Variants in PPARG observed in about 807,000 individuals in gnomAD.
PPARG encodes the protein peroxisome proliferator activated receptor gamma.
PPARG carries 17 observed loss-of-function variants against 39.2 expected under a neutral mutation model. That is an observed-to-expected ratio of 0.43 (90% CI 0.30 to 0.65). PPARG has a LOEUF of 0.65. Among genes scored for constraint, PPARG ranks in the 30% least tolerant of loss-of-function variants. The pLI is 0.13. For missense variants in PPARG, 406 were observed against 585.9 expected (o/e 0.69, Z 3.17); for synonymous variants, 223 against 215.7 (o/e 1.03, Z -0.30).
At chr3:12,432,509 C>A (rs906662957) in intron 7 of PPARG, among the ~76,000 whole-genome samples, 1 of 152,166 alleles carries the variant, frequency 6.6e-6, no homozygotes, top group Non-Finnish European at 1.5e-5. Context: ...AACATGTTCT[C>A]CATAATCTAT....
intron 1 of PPARG, among the ~76,000 whole-genome samples, chr3:12,296,127 C>T (rs1038528128): frequency 2.0e-5 from 3 of 151,786 alleles, no homozygotes; most frequent in Non-Finnish European, 4.4e-5. Context: ...TGGCACACAC[C>T]TGTAATCCCA....
intron 2 of PPARG, among the ~76,000 whole-genome samples, chr3:12,360,462 C>T (rs2048808031): frequency 1.3e-5 from 2 of 151,486 alleles, no homozygotes; most frequent in African/African-American, 2.4e-5. Context: ...TCCTAGGACC[C>T]ATATGGAACA....
intron 2 of PPARG, among the ~76,000 whole-genome samples, chr3:12,323,427 T>G (rs1574988758): frequency 6.6e-6 from 1 of 151,172 alleles, no homozygotes; most frequent in South Asian, 2.1e-4. Flanking sequence ...AAGAGGAAGT[T>G]GAGCGTTTGG....
In PPARG at chr3:12,381,368, G is replaced by A; in HGVS notation, c.267G>A (p.Lys89=). The A allele has an allele frequency of 6.2e-7, 1 of 1,613,382 alleles. No individual in the cohort carries two copies. Among genetic ancestry groups the A allele is most frequent in the Non-Finnish European group, 8.5e-7 (1 of 1,179,702 alleles). Residue 89 remains lysine (K), a synonymous_variant, in exon 4 of 8, where the codon AAG becomes AAA. Transcript: ENST00000651735. ...EPASPPYYSE[K]TQLYNKPHEE... ...CATCTCCACCTTATTATTCTGAGAA[G>A]ACTCAGCTCTACAATAAGCCTCATG...
chr3:12,413,930 G>A (rs1041429708), intron 6 of PPARG, among the ~76,000 whole-genome samples: 1 of 152,100 alleles, frequency 6.6e-6, no homozygotes, highest in South Asian at 2.1e-4. Context: ...CAATTGCCAA[G>A]GGGTTAAAGT....
intron 6 of PPARG, chr3:12,406,505 C>T (rs1054653181): frequency 1.9e-5 from 3 of 161,964 alleles, no homozygotes; most frequent in Non-Finnish European, 4.0e-5. Flanking sequence ...ACTATTTCAC[C>T]TTTCAGGAGA....
chr3:12,392,525 A>T (rs577942809), intron 4 of PPARG, 89 bp from the exon 5 acceptor site: 174 of 1,484,264 alleles, frequency 1.2e-4, no homozygotes, highest in African/African-American at 1.1e-3. Flanking sequence ...GCCTTTTCTG[A>T]TTCCCAGGCC....
chr3:12,316,314 T>C (rs542054298), intron 2 of PPARG, among the ~76,000 whole-genome samples: 2 of 152,314 alleles, frequency 1.3e-5, no homozygotes, highest in Admixed American at 1.3e-4. Context: ...TATGTTCAAC[T>C]AATTTAGCAA....
chr3:12,403,383 G>T (rs1391475214), intron 5 of PPARG, among the ~76,000 whole-genome samples: 1 of 151,378 alleles, frequency 6.6e-6, no homozygotes, highest in Non-Finnish European at 1.5e-5. Context: ...ACAGAGTCTT[G>T]CTGTCACCCA....
intron 1 of PPARG, among the ~76,000 whole-genome samples, chr3:12,293,347 A>G (rs2046697267): frequency 6.6e-6 from 1 of 152,170 alleles, no homozygotes; most frequent in South Asian, 2.1e-4. Flanking sequence ...CTATGTCACT[A>G]TTAAAAAAAA....
In PPARG at chr3:12,379,845, C is replaced by T; in HGVS notation, c.134C>T (p.Thr45Ile). The stretch of plus-strand genomic sequence containing the variant: ...ACTGTTGACTTCTCCAGCATTTCTA[C>T]TCCACATTACGAAGACATTCCATTC... ...FTTVDFSSISTPHYEDIPFTR... is the reference protein window; with the variant it reads ...FTTVDFSSISIPHYEDIPFTR... The change falls in exon 3 of 8, where the codon ACT becomes ATT. Residue 45 changes from threonine to isoleucine, a missense_variant. By Grantham distance (89) the Thr-to-Ile change is moderately conservative (BLOSUM62 -1). Around this residue, in one of 2 missense-constraint regions of PPARG, gnomAD observed 131 missense variants for 127.9 expected, o/e 1.02. Transcript: ENST00000651735. 6.2e-7 allele frequency: 1 copy of T among 1,613,964 alleles called. No individual in the cohort carries two copies. The highest frequency in any genetic ancestry group is 1.3e-5 in the African/African-American group (1 of 75,046).
Position 12,377,673 on chromosome 3 carries a change from A to G in PPARG, c.-8-2031A>G, listed in dbSNP as rs563588120. 3.3e-5 allele frequency among the ~76,000 whole-genome samples: 5 copies of G among 152,302 alleles called. No individual in the cohort carries two copies. The South Asian group carries it at 1.0e-3, about 32-fold the overall frequency. On this transcript the variant is annotated intron_variant, in intron 2 of 7. Transcript: ENST00000651735. ...ATAGCAAAAATTTCATCCTAAAGAG[A>G]AAAATATTTTGGGCTTCTAATTTCA...
At chr3:12,291,441 T>A (rs974884145) in intron 1 of PPARG, among the ~76,000 whole-genome samples, 3 of 152,238 alleles carry the variant, frequency 2.0e-5, no homozygotes, top group Non-Finnish European at 4.4e-5. Flanking sequence ...AATTTAGATT[T>A]AAGATTATTT....
intron 3 of PPARG, among the ~76,000 whole-genome samples, chr3:12,381,056 C>T (rs2049632946): frequency 6.6e-6 from 1 of 152,160 alleles, no homozygotes. Context: ...TGTAGTATTG[C>T]AGGCTACTGG....
intron 2 of PPARG, among the ~76,000 whole-genome samples, chr3:12,378,666 G>C (rs1356448071): frequency 1.3e-5 from 2 of 152,134 alleles, no homozygotes; most frequent in South Asian, 2.1e-4. Flanking sequence ...GCCAGGAGCT[G>C]GAGGGTGAGA....
rs544115596 is a variant in PPARG, at chr3:12,401,807, T to C, written c.530-4075T>C. Reference sequence around the variant, plus strand: ...ACTGGTAGTTAAATGGAACCTAATTTGTAGCATGGGCATTTAACAATACAG... The same window carrying C: ...ACTGGTAGTTAAATGGAACCTAATTCGTAGCATGGGCATTTAACAATACAG... On this transcript the variant is annotated intron_variant, in intron 5 of 7. Transcript: ENST00000651735. Among the ~76,000 whole-genome samples the C allele has an allele frequency of 1.5e-3, 230 of 152,326 alleles. 1 individual carries two copies. The highest frequency in any genetic ancestry group is 2.8e-3 in the Non-Finnish European group (193 of 68,034).
chr3:12,429,266 C>A (rs2051567201), intron 7 of PPARG, among the ~76,000 whole-genome samples: 1 of 152,194 alleles, frequency 6.6e-6, no homozygotes, highest in African/African-American at 2.4e-5. Flanking sequence ...TCCCTCTCCA[C>A]TCCTAGAGAG....
chr3:12,380,849 C>T (rs973883210), intron 3 of PPARG, among the ~76,000 whole-genome samples: 20 of 152,258 alleles, frequency 1.3e-4, no homozygotes, highest in African/African-American at 3.4e-4. Context: ...TTTTCATGCA[C>T]CTCAAGCTAG....
chr3:12,297,555 A>C (rs996795210), intron 1 of PPARG, among the ~76,000 whole-genome samples: 1 of 152,034 alleles, frequency 6.6e-6, no homozygotes, highest in African/African-American at 2.4e-5. Context: ...TTATACCCAA[A>C]ATTTATTTTA....
Sources: allele counts gnomAD v4.1 joint callset (sites outside exome capture counted in the v4.1 genomes callset), GRCh38; gene constraint gnomAD v4.1.1; regional missense constraint gnomAD v4.1.1; transcripts MANE v1.5; gene names NCBI Gene and HGNC (gene_info 2026-07-23, HGNC 2026-07-21).